The following STK3 variants were observed in gnomAD, a reference collection of about 807,000 sequenced individuals.
The protein encoded by STK3 is serine/threonine-protein kinase 3.
STK3 carries 41 observed loss-of-function variants against 58.0 expected under a neutral mutation model. That is an observed-to-expected ratio of 0.71 (90% confidence interval 0.55 to 0.92). The LOEUF is 0.92. Ranked by LOEUF, STK3 falls within the 40% of genes least tolerant of loss-of-function variation. The pLI, the probability that STK3 is intolerant of heterozygous loss-of-function variation, is 0.00. For synonymous variants in STK3, 170 were observed against 191.0 expected (o/e 0.89, Z 0.91); for missense variants, 479 against 602.7 (o/e 0.79, Z 2.15).
intron 6 of STK3, among the ~76,000 whole-genome samples, chr8:98,651,040 C>G (rs1306825175): frequency 1.3e-5 from 2 of 152,258 alleles, no homozygotes; most frequent in African/African-American, 4.8e-5. Flanking sequence ...ACTGCCTCCT[C>G]AAGTGGGTCC....
chr8:98,509,866 T>G (rs1465041727), intron 10 of STK3, among the ~76,000 whole-genome samples: 1 of 152,020 alleles, frequency 6.6e-6, no homozygotes, highest in Non-Finnish European at 1.5e-5. Flanking sequence ...AATACTTTTC[T>G]AAAACTTACT....
chr8:98,799,744 G>A (rs2131617190), intron 1 of STK3, among the ~76,000 whole-genome samples: 1 of 152,300 alleles, frequency 6.6e-6, no homozygotes, highest in Non-Finnish European at 1.5e-5. Context: ...AATGGCTACT[G>A]CTACAGGAAC....
At chr8:98,835,938 C>A (rs1285754311) in intron 3 of STK3, among the ~76,000 whole-genome samples, 1 of 152,196 alleles carries the variant, frequency 6.6e-6, no homozygotes, top group African/African-American at 2.4e-5. Flanking sequence ...TGGTGGTTCA[C>A]GCCTGTAACC....
chr8:98,667,100 A>C (rs1353493700), intron 6 of STK3, among the ~76,000 whole-genome samples: 2 of 152,176 alleles, frequency 1.3e-5, no homozygotes, highest in African/African-American at 2.4e-5. Context: ...ATTTCTAATT[A>C]TAATTCTAAT....
intron 8 of STK3, among the ~76,000 whole-genome samples, chr8:98,551,921 C>T (rs946149654): frequency 1.3e-5 from 2 of 152,010 alleles, no homozygotes; most frequent in African/African-American, 4.8e-5. Context: ...CTAATTCAAA[C>T]CATCATTTTA....
chr8:98,830,715 A>G (rs1200440811), intron 3 of STK3, among the ~76,000 whole-genome samples: 3 of 152,164 alleles, frequency 2.0e-5, no homozygotes, highest in Non-Finnish European at 4.4e-5. Flanking sequence ...TCACGCCTGT[A>G]ATCCCAGCAC....
At position 98,372,588 on chromosome 8, in the gene STK3, C is replaced by T. The variant is rs137915002; in HGVS notation, n.112-910G>A. On this transcript the variant is annotated intron_variant and non_coding_transcript_variant, in intron 2 of 2. Coordinates refer to the STK3 transcript ENST00000518704. ...CTTGGCTCTGAACATCCTTCACTGACGTGAGAGATAATACAAACAGCTTTC... is the reference window on the plus strand; with the variant it reads ...CTTGGCTCTGAACATCCTTCACTGATGTGAGAGATAATACAAACAGCTTTC... Among the ~76,000 whole-genome samples, 27 of 151,720 alleles carry T rather than the reference C, an allele frequency of 1.8e-4. No homozygotes were observed. The East Asian group carries it at 5.1e-3, about 29-fold the overall frequency.
chr8:98,455,853 G>T lies in STK3; in HGVS notation c.1465C>A (p.Gln489Lys). The change falls in exon 11 of 11, where the codon CAA (glutamine) becomes AAA (lysine). Residue 489 changes from glutamine (Q) to lysine (K), a missense_variant. This residue lies in a region of STK3 where 309 missense variants were observed against 355.7 expected (regional missense o/e 0.87). Transcript: ENST00000419617. ...AGAGGAAATTAGACTCAAAAGTTTTGCTGCCTTCTTTTCTTTGCATCCATC... is the reference window on the plus strand; with the variant it reads ...AGAGGAAATTAGACTCAAAAGTTTTTCTGCCTTCTTTTCTTTGCATCCATC... ...DAMDAKKRRQ[Q>K]NF is the part of the protein sequence containing the mutation. 1 of 1,613,532 alleles carries T rather than the reference G, an allele frequency of 6.2e-7. No individual in the cohort carries two copies.
intron 6 of STK3, among the ~76,000 whole-genome samples, chr8:98,682,948 T>C (rs900984352): frequency 7.4e-4 from 112 of 152,220 alleles, no homozygotes; most frequent in African/African-American, 2.6e-3. Context: ...AAATAGTTAC[T>C]ATTACTGGCT....
intron 6 of STK3, among the ~76,000 whole-genome samples, chr8:98,614,381 CAAGCACTTGA>C (rs58299858): frequency 0.027 from 4,088 of 152,278 alleles, 176 homozygotes; most frequent in African/African-American, 0.091. Context: ...ATAGGAAAAT[CAAGCACTTGA>C]AAACTAAAGA....
In STK3 at chr8:98,428,931, C is replaced by T. The variant is rs1818288123; in HGVS notation, n.483+5196G>A. ...CAGGCACTCCACTGGCCTCCGCTCC[C>T]TGGGGGCCACTTTGAAATACAGCTA... On this transcript the variant is annotated intron_variant and non_coding_transcript_variant, in intron 3 of 3. Transcript: ENST00000517832. The surrounding 1 kb of genome is among the most constrained non-coding windows in gnomAD (Gnocchi z 6.7). 2 of 1,614,026 alleles carry T rather than the reference C, an allele frequency of 1.2e-6. No homozygotes were observed. The highest frequency in any genetic ancestry group is 1.7e-6 in the Non-Finnish European group (2 of 1,180,022).
At chr8:98,483,836 G>A (rs1035859188) in intron 10 of STK3, among the ~76,000 whole-genome samples, 1 of 152,160 alleles carries the variant, frequency 6.6e-6, no homozygotes, top group African/African-American at 2.4e-5. Flanking sequence ...GGGCTCAGAA[G>A]AAATGGTTTA....
intron 6 of STK3, among the ~76,000 whole-genome samples, chr8:98,683,046 G>A (rs951498182): frequency 6.6e-6 from 1 of 151,956 alleles, no homozygotes; most frequent in Admixed American, 6.6e-5. Flanking sequence ...CTTAATGGTT[G>A]TCTGTTAAAA....
chr8:98,855,955 G>A (rs570760598), intron 3 of STK3, among the ~76,000 whole-genome samples: 2 of 152,110 alleles, frequency 1.3e-5, no homozygotes, highest in East Asian at 3.9e-4. Flanking sequence ...TCAGGAGTTC[G>A]AGACCAGCCT....
At chr8:98,544,649 AACACACACAC>A (rs59159370) in intron 9 of STK3, among the ~76,000 whole-genome samples, 3,580 of 137,574 alleles carry the variant, frequency 0.026, 158 homozygotes, top group African/African-American at 0.09. Context: ...ATTCTACTAT[AACACACACAC>A]ACACACACAC....
the STK3 span, among the ~76,000 whole-genome samples, chr8:98,348,242 T>C: frequency 1.3e-5 from 2 of 152,172 alleles, no homozygotes; most frequent in African/African-American, 4.8e-5. Flanking sequence ...CTTTACATCC[T>C]TCACAAACAG....
chr8:98,439,608 G>A (rs778798364), intron 1 of STK3, among the ~76,000 whole-genome samples: 1 of 152,120 alleles, frequency 6.6e-6, no homozygotes, highest in Non-Finnish European at 1.5e-5. Context: ...AGGGTTCAGT[G>A]GAAATCACAC....
intron 1 of STK3, among the ~76,000 whole-genome samples, chr8:98,928,469 G>A (rs1839887415): frequency 6.6e-6 from 1 of 152,168 alleles, no homozygotes; most frequent in African/African-American, 2.4e-5. Flanking sequence ...AAAGGTTGGG[G>A]GATTTGGCAA....
intron 3 of STK3, among the ~76,000 whole-genome samples, chr8:98,855,065 A>G (rs555363252): frequency 6.6e-6 from 1 of 152,102 alleles, no homozygotes; most frequent in Admixed American, 6.5e-5. Flanking sequence ...TCAAAACAAC[A>G]ACAACAACAA....
Sources: allele counts gnomAD v4.1 joint callset (sites outside exome capture counted in the v4.1 genomes callset), GRCh38; gene constraint gnomAD v4.1.1; regional missense constraint gnomAD v4.1.1; non-coding constraint Gnocchi (gnomAD v3.1); transcripts MANE v1.5; gene names NCBI Gene and HGNC (gene_info 2026-07-23, HGNC 2026-07-21).